Variants in GRM8 observed in about 807,000 individuals in gnomAD.
GRM8 encodes the protein glutamate metabotropic receptor 8, also known as metabotropic glutamate receptor 8.
GRM8 carries 47 observed loss-of-function variants against 87.2 expected under a neutral mutation model. The observed-to-expected ratio is 0.54, with a 90% CI of 0.43 to 0.69. The LOEUF (loss-of-function observed/expected upper bound fraction) is 0.69, where lower values mean the gene tolerates loss of function less well. GRM8 is among the 30% of genes least tolerant of loss of function. GRM8 has a pLI of 0.00. For missense variants in GRM8, 1,019 were observed against 1,139.2 expected, an observed-to-expected ratio of 0.89 and a Z score of 1.52; for synonymous variants, 396 against 404.5, an observed-to-expected ratio of 0.98 and a Z score of 0.25.
intron 3 of GRM8, among the ~76,000 whole-genome samples, chr7:127,050,691 T>A (rs567200369): frequency 6.6e-6 from 1 of 152,278 alleles, no homozygotes; most frequent in African/African-American, 2.4e-5. Flanking sequence ...GAGTTGTGCA[T>A]CAAAGACACA....
chr7:126,923,316 TA>T (rs776001185), intron 3 of GRM8, among the ~76,000 whole-genome samples: 2 of 152,208 alleles, frequency 1.3e-5, no homozygotes, highest in Non-Finnish European at 2.9e-5. Context: ...TGCCTGGGTT[TA>T]AAGCATCTGC....
intron 8 of GRM8, among the ~76,000 whole-genome samples, chr7:126,569,587 C>T (rs1283594152): frequency 6.6e-6 from 1 of 152,150 alleles, no homozygotes; most frequent in African/African-American, 2.4e-5. Context: ...AATGAAACCA[C>T]ATGGAGAACT....
At position 126,912,230 on chromosome 7, in the gene GRM8, CAAAT is replaced by C. The variant is rs556047393; in HGVS notation, c.728-7551_728-7548del. Among the ~76,000 whole-genome samples, 354 of 144,012 alleles carry C rather than the reference CAAAT, an allele frequency of 2.5e-3. 2 individuals carry two copies. The highest frequency in any genetic ancestry group is 0.011 in the Middle Eastern group (3 of 272). The allele number at this position is 144,012 out of a possible 152,430, so 94.5% of individuals were successfully genotyped here. ...ACAAACAAACAAACAAACAAACAAA[CAAAT>C]AGAGAAAAGATTAGCACTTGAATTA... On this transcript the variant is annotated intron_variant, in intron 3 of 10. Coordinates refer to ENST00000339582, the MANE Select transcript of GRM8 (RefSeq NM_000845.3).
chr7:126,477,914 C>T (rs182405430), intron 9 of GRM8, among the ~76,000 whole-genome samples: 14 of 152,142 alleles, frequency 9.2e-5, no homozygotes, highest in African/African-American at 3.4e-4. Context: ...AGGTGTTGGC[C>T]ATGCAGTTCT....
intron 3 of GRM8, among the ~76,000 whole-genome samples, chr7:127,049,308 A>G (rs1819235379): frequency 6.6e-6 from 1 of 152,176 alleles, no homozygotes; most frequent in African/African-American, 2.4e-5. Flanking sequence ...ATATTTCTGT[A>G]TATTCTTCAG....
chr7:126,669,360 A>AG (rs1806143067), intron 7 of GRM8, among the ~76,000 whole-genome samples: 1 of 151,998 alleles, frequency 6.6e-6, no homozygotes, highest in Admixed American at 6.5e-5. Flanking sequence ...AAAGTCAACA[A>AG]GAAAAAAAAA....
intron 7 of GRM8, among the ~76,000 whole-genome samples, chr7:126,701,473 C>T (rs1345077833): frequency 6.6e-6 from 1 of 152,134 alleles, no homozygotes; most frequent in African/African-American, 2.4e-5. Context: ...GGTAGTTTTA[C>T]AAGGAATGGA....
At chr7:126,655,165 A>T (rs1804370491) in intron 7 of GRM8, among the ~76,000 whole-genome samples, 1 of 152,186 alleles carries the variant, frequency 6.6e-6, no homozygotes, top group African/African-American at 2.4e-5. Context: ...TATTGTCATA[A>T]AGACAATAAT....
chr7:127,198,695 GT>G (rs1795422869), intron 2 of GRM8, among the ~76,000 whole-genome samples: 1 of 151,432 alleles, frequency 6.6e-6, no homozygotes, highest in Non-Finnish European at 1.5e-5. Flanking sequence ...AAGAGACAGG[GT>G]TTTGCTCTGT....
intron 6 of GRM8, among the ~76,000 whole-genome samples, chr7:126,862,470 C>G (rs545785330): frequency 3.0e-4 from 45 of 151,930 alleles, no homozygotes; most frequent in South Asian, 6.2e-4. Flanking sequence ...AGTAAGTGCT[C>G]TTGGATTTTC....
intron 3 of GRM8, among the ~76,000 whole-genome samples, chr7:127,077,495 C>T (rs1426895443): frequency 6.6e-6 from 1 of 152,158 alleles, no homozygotes; most frequent in Non-Finnish European, 1.5e-5. Flanking sequence ...TATAGCCTAG[C>T]TACTGGGGTG....
intron 3 of GRM8, among the ~76,000 whole-genome samples, chr7:127,029,063 ATCTT>A (rs1164155686): frequency 2.0e-5 from 3 of 152,158 alleles, no homozygotes; most frequent in Non-Finnish European, 4.4e-5. Context: ...TTCAAAGAAC[ATCTT>A]TATTTCTGTC....
At chr7:126,957,984 A>G (rs1266071300) in intron 3 of GRM8, among the ~76,000 whole-genome samples, 1 of 152,060 alleles carries the variant, frequency 6.6e-6, no homozygotes, top group Non-Finnish European at 1.5e-5. Context: ...TGTGCCCATA[A>G]AAACTCCTGG....
intron 6 of GRM8, among the ~76,000 whole-genome samples, chr7:126,844,217 G>T (rs948054782): frequency 6.6e-6 from 1 of 152,116 alleles, no homozygotes; most frequent in African/African-American, 2.4e-5. Context: ...TTCCTTTGGG[G>T]CAGTGCCCCT....
chr7:127,055,585 A>G (rs1819898960), intron 3 of GRM8, among the ~76,000 whole-genome samples: 1 of 152,172 alleles, frequency 6.6e-6, no homozygotes, highest in African/African-American at 2.4e-5. Context: ...AGGTGATTGC[A>G]AAAGACTTAT....
At chr7:127,010,581 T>C (rs1237930390) in intron 3 of GRM8, among the ~76,000 whole-genome samples, 8 of 152,170 alleles carry the variant, frequency 5.3e-5, no homozygotes, top group Non-Finnish European at 8.8e-5. Flanking sequence ...TTGCATAATA[T>C]CATGTTTAAT....
chr7:127,022,362 T>C (rs900275994), intron 3 of GRM8, among the ~76,000 whole-genome samples: 1 of 152,064 alleles, frequency 6.6e-6, no homozygotes, highest in Non-Finnish European at 1.5e-5. Context: ...TATTTAAATA[T>C]ATAAATCAGT....
At chr7:127,090,825 A>C (rs1345425779) in intron 3 of GRM8, 1 of 152,128 alleles carries the variant, frequency 6.6e-6, no homozygotes, top group Non-Finnish European at 1.5e-5. Context: ...CTACAGAACA[A>C]TTTTTATGTG....
chr7:126,732,090 C>T (rs1367701085), intron 7 of GRM8, among the ~76,000 whole-genome samples: 1 of 151,994 alleles, frequency 6.6e-6, no homozygotes, highest in Non-Finnish European at 1.5e-5. Context: ...CTTAAATGTG[C>T]TAGTAGTTAT....
Sources: allele counts gnomAD v4.1 joint callset (sites outside exome capture counted in the v4.1 genomes callset), GRCh38; gene constraint gnomAD v4.1.1; transcripts MANE v1.5; gene names NCBI Gene and HGNC (gene_info 2026-07-23, HGNC 2026-07-21).